PCDHGB1: variants seen among roughly 807,000 people sequenced by gnomAD.
PCDHGB1 encodes protocadherin gamma-B1.
PCDHGB1 carries 34 observed loss-of-function variants against 56.6 expected under a neutral mutation model. That is an observed-to-expected ratio of 0.60 (90% confidence interval 0.46 to 0.80). PCDHGB1 has a LOEUF of 0.80. Ranked by LOEUF, PCDHGB1 falls within the 30% of genes least tolerant of loss-of-function variation. The pLI is 0.00. For missense variants in PCDHGB1, 1,278 were observed against 1,204.6 expected, an observed-to-expected ratio of 1.06 and a Z score of -0.90; for synonymous variants, 561 against 505.9, an observed-to-expected ratio of 1.11 and a Z score of -1.46.
At chr5:141,436,347 CT>C (rs1402378657) in intron 1 of PCDHGB1, among the ~76,000 whole-genome samples, 1 of 152,118 alleles carries the variant, frequency 6.6e-6, no homozygotes, top group African/African-American at 2.4e-5. Context: ...ATATCAGTGA[CT>C]TCAATCAACT....
chr5:141,400,528 A>G, intron 1 of PCDHGB1: 2 of 1,613,868 alleles, frequency 1.2e-6, no homozygotes, highest in South Asian at 2.2e-5. Flanking sequence ...TGAGTTGGTG[A>G]GTTTCATTTA....
At chr5:141,427,120 TC>T (rs1212765591) in intron 1 of PCDHGB1, 1 of 457,342 alleles carries the variant, frequency 2.2e-6, no homozygotes, top group African/African-American at 2.0e-5. Context: ...ACCTACTCTT[TC>T]AAATCCCTAC....
chr5:141,351,301 C>G lies in PCDHGB1; in HGVS notation c.1041C>G (p.Ser347=), dbSNP rs1403926091. Residue 347 remains serine (S), a synonymous_variant, in exon 1 of 4, where the codon TCC becomes TCG. Coordinates refer to ENST00000523390, the MANE Select transcript of PCDHGB1 (RefSeq NM_018922.3). The part of the protein sequence containing the change: ...NDNAPEVTFM[S]FSNQIPEDSD... ...ATGCCCCAGAGGTGACATTCATGTC[C>G]TTCTCTAACCAGATTCCAGAGGATT... 6.2e-7 allele frequency: 1 copy of G among 1,613,870 alleles called. No individual in the cohort carries two copies. Among genetic ancestry groups the G allele is most frequent in the African/African-American group, 1.3e-5 (1 of 75,046 alleles).
rs760316359 is a variant in PCDHGB1 at position 141,360,511 on chromosome 5, A to G, written c.2409+7842A>G. On this transcript the variant is annotated intron_variant, in intron 1 of 3. Coordinates refer to ENST00000523390, the MANE Select transcript of PCDHGB1 (RefSeq NM_018922.3). Reference sequence around the variant, plus strand: ...CTACATAGCAGTAATTGTGCAGGATATAAATGATAATACCCCGCTATTCAA... The same window carrying G: ...CTACATAGCAGTAATTGTGCAGGATGTAAATGATAATACCCCGCTATTCAA... 5.6e-6 allele frequency: 9 copies of G among 1,613,906 alleles called. No individual in the cohort carries two copies. In the East Asian group the frequency reaches 1.1e-4, roughly 20 times the overall value.
At chr5:141,448,415 T>C (rs1286455437) in intron 1 of PCDHGB1, among the ~76,000 whole-genome samples, 2 of 152,158 alleles carry the variant, frequency 1.3e-5, no homozygotes, top group African/African-American at 2.4e-5. Context: ...ATCAAAACAA[T>C]ATACTATGTA....
Position 141,431,633 on chromosome 5 carries a change from T to A in PCDHGB1, c.2410-63174T>A. ...TGTGGACGACAAGGCGGCCCAAGTT[T>A]TCAAACTAGATTGTAATTCAGGGAC... On this transcript the variant is annotated intron_variant, in intron 1 of 3. Coordinates refer to ENST00000523390, the MANE Select transcript of PCDHGB1 (RefSeq NM_018922.3). The surrounding 1 kb of genome is among the most constrained non-coding windows in gnomAD (Gnocchi z 4.8). 1 of 1,614,240 alleles carries A rather than the reference T, an allele frequency of 6.2e-7. No individual in the cohort carries two copies. The highest frequency in any genetic ancestry group is 8.5e-7 in the Non-Finnish European group (1 of 1,180,048).
At chr5:141,400,654 C>A in intron 1 of PCDHGB1, 1 of 1,142,176 alleles carries the variant, frequency 8.8e-7, no homozygotes, top group Non-Finnish European at 1.3e-6. Context: ...AGCTGTCCTA[C>A]CATTCTTTAA....
intron 1 of PCDHGB1, chr5:141,371,115 G>C (rs757942462): frequency 1.3e-5 from 21 of 1,613,902 alleles, no homozygotes; most frequent in Non-Finnish European, 1.8e-5. Flanking sequence ...TAACCCCCCA[G>C]TATTTACTCA....
chr5:141,370,327 A>T, intron 1 of PCDHGB1: 5 of 1,399,556 alleles, frequency 3.6e-6, no homozygotes, highest in Non-Finnish European at 4.8e-6. Context: ...TCCTGCTCGG[A>T]GAACTCTTGG....
intron 1 of PCDHGB1, among the ~76,000 whole-genome samples, chr5:141,473,773 T>C (rs1473510505): frequency 6.6e-6 from 1 of 152,254 alleles, no homozygotes; most frequent in Non-Finnish European, 1.5e-5. Context: ...GGATTTGGTA[T>C]TTTAATTCAA....
intron 1 of PCDHGB1, chr5:141,399,025 CAAAAG>C (rs750003738): frequency 6.8e-6 from 11 of 1,613,846 alleles, no homozygotes; most frequent in Admixed American, 5.0e-5. Context: ...AATTACCACT[CAAAAG>C]AAACTGGATT....
chr5:141,404,525 T>G, intron 1 of PCDHGB1: 1 of 1,613,796 alleles, frequency 6.2e-7, no homozygotes, highest in South Asian at 1.1e-5. Flanking sequence ...CTATGAGCAG[T>G]TTAGAGATTT....
At chr5:141,508,371 C>T (rs1250979168) in intron 3 of PCDHGB1, 1 of 152,226 alleles carries the variant, frequency 6.6e-6, no homozygotes, top group East Asian at 1.9e-4. Flanking sequence ...CAACTTCTTC[C>T]CCTCAGATTT....
At position 141,491,832 on chromosome 5, in the gene PCDHGB1, C is replaced by T. The variant is rs755882255; in HGVS notation, c.2410-2975C>T. On this transcript the variant is annotated intron_variant, in intron 1 of 3. Coordinates refer to ENST00000523390, the MANE Select transcript of PCDHGB1 (RefSeq NM_018922.3). The surrounding 1 kb of genome is among the most constrained non-coding windows in gnomAD (Gnocchi z 6.9). ...GTCGCTGGCTGCGCTCCACCCGATT[C>T]TCGGGATCATTGGACCGTTTGCGCG... 1.6e-5 allele frequency: 24 copies of T among 1,474,306 alleles called. No individual in the cohort carries two copies. The highest frequency in any genetic ancestry group is 2.0e-5 in the Non-Finnish European group (22 of 1,112,688). 91.3% of individuals were successfully genotyped at this position (1,474,306 alleles called of 1,614,324 possible). A position where few individuals can be genotyped will look rare whatever the true frequency, so the allele number is the denominator to read the frequency against.
intron 2 of PCDHGB1, among the ~76,000 whole-genome samples, chr5:141,495,902 C>T (rs749735668): frequency 2.6e-5 from 4 of 152,120 alleles, no homozygotes; most frequent in Non-Finnish European, 2.9e-5. Context: ...TTGTCTCTGT[C>T]TCTGTATATC....
At chr5:141,383,517 G>A (rs374823629) in intron 1 of PCDHGB1, 1 of 1,612,492 alleles carries the variant, frequency 6.2e-7, no homozygotes, top group Non-Finnish European at 8.5e-7. Context: ...AGGAAGAGCG[G>A]GTTCACCACC....
At chr5:141,365,842 T>C in intron 1 of PCDHGB1, 4 of 1,613,964 alleles carry the variant, frequency 2.5e-6, no homozygotes, top group Non-Finnish European at 3.4e-6. Context: ...TGTCCTCCTA[T>C]GTATCCATTA....
At chr5:141,371,103 G>A in intron 1 of PCDHGB1, 1 of 1,613,826 alleles carries the variant, frequency 6.2e-7, no homozygotes, top group South Asian at 1.1e-5. Context: ...AGATGCAAAT[G>A]ATAACCCCCC....
At chr5:141,421,986 AG>A in intron 1 of PCDHGB1, 2 of 1,609,004 alleles carry the variant, frequency 1.2e-6, no homozygotes, top group Non-Finnish European at 1.7e-6. Flanking sequence ...TGAGTGTTCC[AG>A]AAAACATCAG....
Sources: gnomAD v4.1 joint callset for allele counts (sites outside exome capture counted in the v4.1 genomes callset) on GRCh38, gnomAD v4.1.1 for gene constraint, Gnocchi (gnomAD v3.1) non-coding constraint, MANE v1.5 for transcripts, NCBI Gene and HGNC (gene_info 2026-07-23, HGNC 2026-07-21) for gene names.